Variants in GLI3 observed in about 807,000 individuals in gnomAD.
GLI3 encodes the protein GLI family zinc finger 3, also known as transcription activator GLI3.
GLI3 carries 20 observed loss-of-function variants against 100.8 expected under a neutral mutation model. That is an observed-to-expected ratio of 0.20 (90% CI 0.14 to 0.29). GLI3 has a LOEUF of 0.29. Ranked by LOEUF, GLI3 falls within the 10% of genes least tolerant of loss-of-function variation. The probability of loss-of-function intolerance (pLI) is 1.00; values close to 1 mark genes in which losing one functional copy is unlikely to be tolerated. For missense variants in GLI3, 2,040 were observed against 2,128.5 expected (o/e 0.96, Z 0.82); for synonymous variants, 938 against 860.5 (o/e 1.09, Z -1.58).
chr7:42,011,172 C>T, intron 10 of GLI3, among the ~76,000 whole-genome samples: 1 of 152,180 alleles, frequency 6.6e-6, no homozygotes, highest in East Asian at 1.9e-4. Context: ...CTGGGTAATG[C>T]CTGTGTACCC....
At chr7:42,188,815 G>C (rs1019996360) in intron 2 of GLI3, among the ~76,000 whole-genome samples, 5 of 152,202 alleles carry the variant, frequency 3.3e-5, no homozygotes, top group Admixed American at 2.0e-4. Flanking sequence ...CTGTTTGCTA[G>C]GGGTGGTAGG....
chr7:42,190,667 T>A (rs983239147), intron 2 of GLI3, among the ~76,000 whole-genome samples: 4 of 151,998 alleles, frequency 2.6e-5, no homozygotes, highest in Non-Finnish European at 5.9e-5. Flanking sequence ...ATGGAAAAAA[T>A]TGCAATACAT....
chr7:42,171,178 A>G (rs1787365255), intron 2 of GLI3, among the ~76,000 whole-genome samples: 1 of 152,174 alleles, frequency 6.6e-6, no homozygotes, highest in Admixed American at 6.5e-5. Flanking sequence ...AATTTTCAAG[A>G]TTGTTCAGAA....
At chr7:42,002,097 C>T (rs1583777081) in intron 10 of GLI3, among the ~76,000 whole-genome samples, 1 of 151,714 alleles carries the variant, frequency 6.6e-6, no homozygotes, top group East Asian at 1.9e-4. Flanking sequence ...CACACGTGTG[C>T]AAATAAAGGG....
chr7:41,967,397 T>C (rs1002156521), intron 14 of GLI3, among the ~76,000 whole-genome samples, 199 bp downstream of exon 14: 1 of 151,540 alleles, frequency 6.6e-6, no homozygotes, highest in African/African-American at 2.4e-5. Context: ...CATTTTTTTC[T>C]CAATATTATC....
intron 3 of GLI3, among the ~76,000 whole-genome samples, chr7:42,096,694 G>A (rs1381935049): frequency 2.6e-5 from 4 of 152,312 alleles, no homozygotes; most frequent in East Asian, 3.9e-4. Context: ...TGGAGAGGGG[G>A]AAGGAAGAGA....
intron 10 of GLI3, among the ~76,000 whole-genome samples, chr7:42,009,480 CTTTTTTTTT>C (rs3030324): frequency 8.4e-5 from 10 of 118,364 alleles, no homozygotes; most frequent in African/African-American, 3.2e-4. Flanking sequence ...GCAAATTGTT[CTTTTTTTTT>C]TTTTTTTTTT....
At chr7:42,016,809 A>C (rs994254682) in intron 10 of GLI3, among the ~76,000 whole-genome samples, 1 of 152,172 alleles carries the variant, frequency 6.6e-6, no homozygotes, top group Non-Finnish European at 1.5e-5. Context: ...CCTGTTTCCT[A>C]GGAGTCTTTT....
At chr7:42,154,815 T>C (rs1437282329) in intron 2 of GLI3, among the ~76,000 whole-genome samples, 1 of 152,238 alleles carries the variant, frequency 6.6e-6, no homozygotes, top group African/African-American at 2.4e-5. Context: ...AGAGCTTGGC[T>C]TCCAAAGGGC....
At chr7:42,087,198 G>A (rs1283554090) in intron 3 of GLI3, among the ~76,000 whole-genome samples, 2 of 152,174 alleles carry the variant, frequency 1.3e-5, no homozygotes, top group Non-Finnish European at 2.9e-5. Flanking sequence ...GAAACTGCAG[G>A]ACACTTCCAT....
intron 4 of GLI3, among the ~76,000 whole-genome samples, chr7:42,065,030 G>A (rs1784646557): frequency 6.6e-6 from 1 of 152,002 alleles, no homozygotes; most frequent in Non-Finnish European, 1.5e-5. Flanking sequence ...TGACCCCACT[G>A]CTTGGTACTT....
rs754571520 is a variant in GLI3, at chr7:42,076,848, TGAG to T, written c.374_376del (p.Pro125del). 2.5e-5 allele frequency: 40 copies of T among 1,606,842 alleles called. No homozygotes were observed. The highest frequency in any genetic ancestry group is 3.2e-5 in the Non-Finnish European group (37 of 1,173,422). The stretch of plus-strand genomic sequence containing the variant: ...AGGAGGATGGAAGGCAGGGAAAAGA[TGAG>T]GAGGGTCTGAAAAGAAGAGAGAGCC... On this transcript the variant is annotated inframe_deletion, in exon 4 of 15. Transcript: ENST00000395925.
chr7:42,225,066 G>T (rs1447792218), intron 1 of GLI3, among the ~76,000 whole-genome samples: 2 of 152,186 alleles, frequency 1.3e-5, no homozygotes, highest in Non-Finnish European at 2.9e-5. Flanking sequence ...ATCTTTGATG[G>T]TCCCTTCTAG....
intron 2 of GLI3, among the ~76,000 whole-genome samples, chr7:42,204,448 C>T (rs998867551): frequency 3.9e-5 from 6 of 152,178 alleles, no homozygotes; most frequent in African/African-American, 1.4e-4. Context: ...TTCCTTCATA[C>T]TCTATAGATG....
intron 1 of GLI3, among the ~76,000 whole-genome samples, chr7:42,257,995 A>G (rs1789102472): frequency 6.6e-6 from 1 of 152,244 alleles, no homozygotes; most frequent in African/African-American, 2.4e-5. Context: ...GGAATATTGA[A>G]CTATATAGTT....
intron 1 of GLI3, among the ~76,000 whole-genome samples, chr7:42,254,144 G>A (rs1279886210): frequency 6.6e-6 from 1 of 151,308 alleles, no homozygotes; most frequent in East Asian, 2.0e-4. Context: ...ACCTGAACCT[G>A]GGAGGTGGAG....
intron 2 of GLI3, among the ~76,000 whole-genome samples, chr7:42,192,791 G>T (rs1439510768): frequency 6.6e-6 from 1 of 152,136 alleles, no homozygotes; most frequent in Non-Finnish European, 1.5e-5. Flanking sequence ...TCCACTTCAG[G>T]GCCACCCCCT....
upstream of GLI3, among the ~76,000 whole-genome samples, chr7:42,241,548 G>A (rs761450435): frequency 4.6e-5 from 7 of 152,202 alleles, no homozygotes; most frequent in Non-Finnish European, 8.8e-5. Flanking sequence ...GCCTCCCCAC[G>A]CTGACTGGCC....
intron 3 of GLI3, among the ~76,000 whole-genome samples, chr7:42,133,958 A>G (rs1000909474): frequency 3.3e-5 from 5 of 151,964 alleles, no homozygotes; most frequent in African/African-American, 1.2e-4. Context: ...TCGCGTGCCC[A>G]TAATCCCATC....
Sources: allele counts gnomAD v4.1 joint callset (sites outside exome capture counted in the v4.1 genomes callset), GRCh38; gene constraint gnomAD v4.1.1; transcripts MANE v1.5; gene names NCBI Gene and HGNC (gene_info 2026-07-23, HGNC 2026-07-21).